The following TBC1D1 variants were observed in gnomAD, a reference collection of about 807,000 sequenced individuals.
TBC1D1 encodes TBC1 (tre-2/USP6, BUB2, cdc16) domain family, member 1.
A neutral mutation model predicts 125.6 loss-of-function variants in TBC1D1; 89 were observed. That is an observed-to-expected ratio of 0.71 (90% CI 0.60 to 0.85). TBC1D1 has a LOEUF of 0.85. TBC1D1 is among the 40% of genes least tolerant of loss of function. TBC1D1 has a pLI of 0.00. For missense variants in TBC1D1, 1,377 were observed against 1,469.2 expected, an observed-to-expected ratio of 0.94 and a Z score of 1.03; for synonymous variants, 565 against 564.1, an observed-to-expected ratio of 1.00 and a Z score of -0.02.
chr4:37,902,519 G>T lies in TBC1D1; in HGVS notation c.417+7G>T. 1.3e-6 allele frequency: 2 copies of T among 1,580,016 alleles called. No individual in the cohort carries two copies. Among genetic ancestry groups the T allele is most frequent in the Non-Finnish European group, 1.7e-6 (2 of 1,161,622 alleles). The stretch of plus-strand genomic sequence containing the variant: ...AGCCGATGATCAAACAAAAGTAAGT[G>T]AGATGGAGATCCAAAAGACTAAGGT... On this transcript the variant is annotated splice_region_variant and intron_variant, in intron 2 of 19. Coordinates refer to ENST00000261439, the MANE Select transcript of TBC1D1 (RefSeq NM_015173.4).
intron 12 of TBC1D1, among the ~76,000 whole-genome samples, chr4:38,073,493 T>C (rs528788859): frequency 6.6e-6 from 1 of 152,392 alleles, no homozygotes; most frequent in South Asian, 2.1e-4. Context: ...TCATTTCATG[T>C]CCTGGTCGGC....
intron 1 of TBC1D1, among the ~76,000 whole-genome samples, chr4:37,894,727 CT>C (rs1173590469): frequency 6.6e-6 from 1 of 152,092 alleles, no homozygotes; most frequent in Non-Finnish European, 1.5e-5. Context: ...TTATTTTATA[CT>C]TTTAGAGTAT....
intron 15 of TBC1D1, among the ~76,000 whole-genome samples, chr4:38,109,461 G>A (rs749999043): frequency 6.6e-6 from 1 of 152,180 alleles, no homozygotes; most frequent in Non-Finnish European, 1.5e-5. Context: ...AAGTCAGTCG[G>A]TGGTGCTGGC....
chr4:37,993,532 C>G (rs1737101978), intron 2 of TBC1D1, among the ~76,000 whole-genome samples: 1 of 152,100 alleles, frequency 6.6e-6, no homozygotes, highest in African/African-American at 2.4e-5. Context: ...CACTGAAGCC[C>G]CTCAACATAC....
At chr4:38,136,871 AC>A (rs1416738401) in intron 19 of TBC1D1, among the ~76,000 whole-genome samples, 1 of 152,062 alleles carries the variant, frequency 6.6e-6, no homozygotes, top group African/African-American at 2.4e-5. Flanking sequence ...GTTGTGATCC[AC>A]CATCTCAGCA....
At chr4:37,982,360 A>T (rs73236866) in intron 2 of TBC1D1, among the ~76,000 whole-genome samples, 14,816 of 151,876 alleles carry the variant, frequency 0.098, 838 homozygotes, top group Middle Eastern at 0.2. Flanking sequence ...TTGTTTTAAA[A>T]TTTTTTTTTC....
intron 2 of TBC1D1, among the ~76,000 whole-genome samples, chr4:37,917,525 A>G (rs963964442): frequency 1.3e-5 from 2 of 152,110 alleles, no homozygotes; most frequent in African/African-American, 4.8e-5. Context: ...TGTGAACATC[A>G]AAGAAAGGCT....
chr4:38,092,853 G>A (rs986152417), intron 13 of TBC1D1, among the ~76,000 whole-genome samples: 1 of 151,958 alleles, frequency 6.6e-6, no homozygotes, highest in Non-Finnish European at 1.5e-5. Flanking sequence ...GCCCTGGACC[G>A]AATGCCATTC....
At chr4:38,060,373 C>T (rs1258433216) in intron 12 of TBC1D1, among the ~76,000 whole-genome samples, 5 of 152,232 alleles carry the variant, frequency 3.3e-5, no homozygotes, top group Non-Finnish European at 7.3e-5. Flanking sequence ...TTCTCCGCAA[C>T]CTCACCAGCA....
At chr4:38,123,164 G>A (rs1226042314) in intron 17 of TBC1D1, among the ~76,000 whole-genome samples, 1 of 152,218 alleles carries the variant, frequency 6.6e-6, no homozygotes, top group Non-Finnish European at 1.5e-5. Flanking sequence ...TGAGAGTAGA[G>A]ACCAAGCTAT....
intron 8 of TBC1D1, among the ~76,000 whole-genome samples, chr4:38,041,474 A>G (rs1332210011): frequency 6.6e-6 from 1 of 152,216 alleles, no homozygotes; most frequent in African/African-American, 2.4e-5. Flanking sequence ...TCCCTTGCCA[A>G]ACATTTCACA....
chr4:37,898,723 A>T (rs1338633682), intron 1 of TBC1D1, among the ~76,000 whole-genome samples: 2 of 152,154 alleles, frequency 1.3e-5, no homozygotes, highest in South Asian at 4.1e-4. Context: ...TCTCCAACCC[A>T]GGAGTCTCAT....
chr4:38,136,491 C>T (rs1372783663), intron 19 of TBC1D1, among the ~76,000 whole-genome samples: 1 of 152,174 alleles, frequency 6.6e-6, no homozygotes, highest in Non-Finnish European at 1.5e-5. Flanking sequence ...ACATCACTAA[C>T]TTTACACAGT....
In TBC1D1 at chr4:37,999,967, T is replaced by A. The variant is rs113643161; in HGVS notation, c.418-14542T>A. Among the ~76,000 whole-genome samples, 123 of 152,344 alleles carry A rather than the reference T, an allele frequency of 8.1e-4. 1 individual carries two copies. Among genetic ancestry groups the A allele is most frequent in the African/African-American group, 2.8e-3 (117 of 41,576 alleles). ...AACATTTGAAAAGATTATAATGTGC[T>A]GGTATTGATGAAGAATTTATACTGT... is the stretch of plus-strand genomic sequence containing the variant. On this transcript the variant is annotated intron_variant, in intron 2 of 19. Transcript: ENST00000261439.
intron 1 of TBC1D1, among the ~76,000 whole-genome samples, chr4:37,896,871 C>T (rs1189363547): frequency 6.6e-6 from 1 of 151,834 alleles, no homozygotes; most frequent in Non-Finnish European, 1.5e-5. Flanking sequence ...TGTAGCATAG[C>T]AGGACACATT....
intron 2 of TBC1D1, among the ~76,000 whole-genome samples, chr4:37,949,419 T>A (rs1205303113): frequency 6.6e-6 from 1 of 152,228 alleles, no homozygotes; most frequent in Non-Finnish European, 1.5e-5. Flanking sequence ...TCAGTTTTAA[T>A]ACCCTTAATA....
chr4:37,915,675 C>T (rs780294057), intron 2 of TBC1D1, among the ~76,000 whole-genome samples: 3 of 152,180 alleles, frequency 2.0e-5, no homozygotes, highest in Non-Finnish European at 4.4e-5. Flanking sequence ...ATCTGGACAT[C>T]CCATGGCTTA....
At chr4:37,895,453 C>A (rs1359987393) in intron 1 of TBC1D1, among the ~76,000 whole-genome samples, 1 of 152,118 alleles carries the variant, frequency 6.6e-6, no homozygotes, top group Non-Finnish European at 1.5e-5. Context: ...CCTGTAATCC[C>A]AGCACTTTGG....
chr4:38,122,039 G>T (rs1763934474), intron 17 of TBC1D1, among the ~76,000 whole-genome samples: 1 of 152,172 alleles, frequency 6.6e-6, no homozygotes, highest in African/African-American at 2.4e-5. Context: ...AAGACCCCCT[G>T]TGTCTCACAG....
Sources: gnomAD v4.1 joint callset for allele counts (sites outside exome capture counted in the v4.1 genomes callset) on GRCh38, gnomAD v4.1.1 for gene constraint, MANE v1.5 for transcripts, NCBI Gene and HGNC (gene_info 2026-07-23, HGNC 2026-07-21) for gene names.